STAB2: variants seen among roughly 807,000 people sequenced by gnomAD.
STAB2 encodes stabilin-2.
In STAB2, 288 loss-of-function variants were observed where a neutral mutation model predicts 338.1. The ratio of observed to expected loss-of-function variants is 0.85; its 90% CI spans 0.77 to 0.94. The LOEUF is 0.94. STAB2 is among the 40% of genes least tolerant of loss of function. The pLI is 0.00. For missense variants in STAB2, 3,141 were observed against 3,210.1 expected, an observed-to-expected ratio of 0.98 and a Z score of 0.52; for synonymous variants, 1,202 against 1,193.3, an observed-to-expected ratio of 1.01 and a Z score of -0.15.
At chr12:103,705,807 C>T (rs1330349570) in intron 37 of STAB2, 80 bp downstream of exon 37, 2 of 1,366,114 alleles carry the variant, frequency 1.5e-6, no homozygotes, top group Admixed American at 3.5e-5. Flanking sequence ...TTCAAAATCC[C>T]TGTGCAGGTA....
chr12:103,589,317 A>G (rs1227278059), intron 1 of STAB2, among the ~76,000 whole-genome samples: 1 of 152,208 alleles, frequency 6.6e-6, no homozygotes, highest in Non-Finnish European at 1.5e-5. Flanking sequence ...CTGCCCAAGA[A>G]GAAGCCTACC....
At chr12:103,742,276 A>G (rs1882644697) in intron 55 of STAB2, 129 bp from the exon 56 acceptor site, 1 of 1,227,100 alleles carries the variant, frequency 8.1e-7, no homozygotes, top group Non-Finnish European at 1.1e-6. Context: ...TGCCTTAAAT[A>G]TCCACTGACA....
At chr12:103,696,217 A>G (rs979934882) in intron 33 of STAB2, among the ~76,000 whole-genome samples, 21 of 152,276 alleles carry the variant, frequency 1.4e-4, no homozygotes, top group African/African-American at 4.8e-4. Context: ...TGATGAAACC[A>G]CATGGAGAAA....
Position 103,755,639 on chromosome 12 carries a change from A to G in STAB2, c.6908A>G (p.Tyr2303Cys), listed in dbSNP as rs1490815477. Residue 2303 changes from tyrosine (Y) to cysteine (C), a missense_variant, in exon 63 of 69, where the codon TAT becomes TGT. Tyr to Cys is a radical substitution (Grantham distance 194, BLOSUM62 -2). Coordinates refer to ENST00000388887, the MANE Select transcript of STAB2 (RefSeq NM_017564.10). Reference protein sequence around the residue: ...KDVNCTCKVGYVGDGFSCSGN... With the variant: ...KDVNCTCKVGCVGDGFSCSGN... ...GTGAACTGCACCTGCAAGGTGGGCTATGTGGGAGATGGCTTCTCATGCAGT... is the reference window on the plus strand; with the variant it reads ...GTGAACTGCACCTGCAAGGTGGGCTGTGTGGGAGATGGCTTCTCATGCAGT... The G allele has an allele frequency of 1.2e-6, 2 of 1,614,126 alleles. No homozygotes were observed. Among genetic ancestry groups the G allele is most frequent in the Non-Finnish European group, 1.7e-6 (2 of 1,180,028 alleles).
At chr12:103,588,992 G>A (rs1956756444) in intron 1 of STAB2, among the ~76,000 whole-genome samples, 1 of 152,156 alleles carries the variant, frequency 6.6e-6, no homozygotes, top group Non-Finnish European at 1.5e-5. Flanking sequence ...GGCTAATCAA[G>A]GAATCACAAG....
At chr12:103,608,780 G>T (rs928669026) in intron 3 of STAB2, among the ~76,000 whole-genome samples, 7 of 152,128 alleles carry the variant, frequency 4.6e-5, no homozygotes, top group African/African-American at 7.2e-5. Context: ...GTCCTGAATG[G>T]TATTGCCTAG....
Position 103,619,491 on chromosome 12 carries a change from T to C in STAB2, c.332-977T>C, listed in dbSNP as rs570783051. Among the ~76,000 whole-genome samples the C allele has an allele frequency of 2.0e-5, 3 of 152,348 alleles. No homozygotes were observed. The East Asian group carries it at 5.8e-4, about 29-fold the overall frequency. ...ATTTGATTGTGGGCATTGTAATTTC[T>C]GGCTTTCTAGCTAAATGTCCCCCTG... On this transcript the variant is annotated intron_variant, in intron 3 of 68. Coordinates refer to ENST00000388887, the MANE Select transcript of STAB2 (RefSeq NM_017564.10).
chr12:103,744,494 T>C (rs768635187), intron 56 of STAB2, among the ~76,000 whole-genome samples: 74 of 141,650 alleles, frequency 5.2e-4, no homozygotes, highest in Non-Finnish European at 9.2e-4. Context: ...TAAGACAGGG[T>C]CTCACTCTGT....
At chr12:103,753,100 C>A in intron 60 of STAB2, 120 bp from the exon 61 acceptor site, 1 of 1,251,730 alleles carries the variant, frequency 8.0e-7, no homozygotes, top group Admixed American at 2.7e-5. Context: ...GGGAAAGTGG[C>A]TTCTGGAGAC....
chr12:103,713,552 A>G (rs1462209731), intron 41 of STAB2, 91 bp from the exon 42 acceptor site: 1 of 1,557,890 alleles, frequency 6.4e-7, no homozygotes, highest in Non-Finnish European at 8.8e-7. Context: ...GTAGTTTTGC[A>G]GTATGTTCCA....
Position 103,637,211 on chromosome 12 carries a change from C to A in STAB2, c.684C>A (p.Tyr228Ter). 6.2e-7 allele frequency: 1 copy of A among 1,612,328 alleles called. No individual in the cohort carries two copies. The highest frequency in any genetic ancestry group is 8.5e-7 in the Non-Finnish European group (1 of 1,179,500). ...NKLECKCLPN[Y>*]RGDGKYCDPI... Reference sequence around the variant, plus strand: ...TGGAATGCAAATGCCTTCCCAATTACCGAGGCGATGGCAAATACTGCGACC... The same window carrying A: ...TGGAATGCAAATGCCTTCCCAATTAACGAGGCGATGGCAAATACTGCGACC... The change falls in exon 7 of 69, where the codon TAC becomes TAA. Residue 228 changes from tyrosine to a stop codon, truncating the protein, a stop_gained. Transcript: ENST00000388887. LOFTEE classifies it high-confidence loss of function.
chr12:103,737,898 C>T lies in STAB2; in HGVS notation c.5697+118C>T, dbSNP rs1882285756. ...GGCCTGTCCTCAGCAAGACTAGGAC[C>T]CAGAAGACCTGAGGGCCAAATGATG... is the stretch of plus-strand genomic sequence containing the variant. On this transcript the variant is annotated intron_variant, in intron 53 of 68. Coordinates refer to ENST00000388887, the MANE Select transcript of STAB2 (RefSeq NM_017564.10). 7 of 1,339,518 alleles carry T rather than the reference C, an allele frequency of 5.2e-6. No individual in the cohort carries two copies. The South Asian group carries it at 9.7e-5, about 19-fold the overall frequency. 83.0% of individuals were successfully genotyped at this position (1,339,518 alleles called of 1,614,324 possible).
chr12:103,706,660 A>C, intron 37 of STAB2, 132 bp from the exon 38 acceptor site: 1 of 1,225,134 alleles, frequency 8.2e-7, no homozygotes, highest in Non-Finnish European at 1.1e-6. Context: ...TCCTGCCCCC[A>C]CCCCTCACCC....
chr12:103,631,685 G>GTGA lies in STAB2; in HGVS notation c.576_578dup (p.Asp193dup), dbSNP rs1342473588. 6.2e-7 allele frequency: 1 copy of GTGA among 1,614,084 alleles called. No homozygotes were observed. Among genetic ancestry groups the GTGA allele is most frequent in the Non-Finnish European group, 8.5e-7 (1 of 1,180,034 alleles). ...TACTCTGCGTACACTGGCCCCAAGT[G>GTGA]TGACAAGCGTAAGTACTGCTAGTTC... On this transcript the variant is annotated inframe_insertion, in exon 6 of 69. Transcript: ENST00000388887.
intron 42 of STAB2, 24 bp downstream of exon 42, chr12:103,713,792 C>A: frequency 6.2e-7 from 1 of 1,612,314 alleles, no homozygotes; most frequent in South Asian, 1.1e-5. Context: ...CCTCTTCCAT[C>A]GGCGAAATGG....
intron 12 of STAB2, among the ~76,000 whole-genome samples, chr12:103,653,025 C>T (rs561106753): frequency 9.9e-5 from 15 of 152,276 alleles, no homozygotes; most frequent in African/African-American, 3.1e-4. Context: ...CTGAAAGCAT[C>T]AGCACAAAGC....
intron 39 of STAB2, among the ~76,000 whole-genome samples, chr12:103,709,390 G>T (rs1879648361): frequency 6.6e-6 from 1 of 152,248 alleles, no homozygotes; most frequent in Admixed American, 6.5e-5. Context: ...CTCACTAAAG[G>T]CAACAGGAAG....
intron 18 of STAB2, 104 bp from the exon 19 acceptor site, chr12:103,666,187 G>T: frequency 8.9e-7 from 1 of 1,127,454 alleles, no homozygotes; most frequent in Non-Finnish European, 1.3e-6. Context: ...ATGGCTCAGT[G>T]GGGTTTCCTT....
intron 48 of STAB2, 24 bp from the exon 49 acceptor site, chr12:103,730,091 CT>C (rs763530369): frequency 6.4e-7 from 1 of 1,558,152 alleles, no homozygotes. Flanking sequence ...GCACTCATTT[CT>C]TTTTTGTTTT....
Sources: gnomAD v4.1 joint callset for allele counts (sites outside exome capture counted in the v4.1 genomes callset) on GRCh38, gnomAD v4.1.1 for gene constraint, MANE v1.5 for transcripts, NCBI Gene and HGNC (gene_info 2026-07-23, HGNC 2026-07-21) for gene names.